PI4K2B: variants seen among roughly 807,000 people sequenced by gnomAD.
The protein encoded by PI4K2B is phosphatidylinositol 4-kinase type 2 beta, also known as phosphatidylinositol 4-kinase type 2-beta.
Under a neutral mutation model 56.6 loss-of-function variants are expected in PI4K2B, and 46 were observed. The ratio of observed to expected loss-of-function variants is 0.81; its 90% CI spans 0.64 to 1.04. PI4K2B has a LOEUF of 1.04. PI4K2B is among the 50% of genes least tolerant of loss of function. PI4K2B has a pLI of 0.00. For synonymous variants in PI4K2B, 211 were observed against 223.8 expected (o/e 0.94, Z 0.51); for missense variants, 556 against 607.7 (o/e 0.91, Z 0.89).
intron 9 of PI4K2B, among the ~76,000 whole-genome samples, chr4:25,269,839 G>A (rs369172339): frequency 1.3e-5 from 2 of 149,802 alleles, no homozygotes; most frequent in African/African-American, 2.5e-5. Context: ...TCAGCCTCCC[G>A]AGTAGCTGGG....
intron 5 of PI4K2B, among the ~76,000 whole-genome samples, chr4:25,259,740 C>T (rs974708196): frequency 6.6e-5 from 10 of 151,946 alleles, no homozygotes; most frequent in African/African-American, 2.4e-4. Flanking sequence ...CATAATGTTT[C>T]AAGAAAGTTT....
intron 1 of PI4K2B, among the ~76,000 whole-genome samples, chr4:25,249,565 C>A (rs1343994487): frequency 1.4e-5 from 2 of 145,756 alleles, no homozygotes; most frequent in Non-Finnish European, 3.0e-5. Context: ...GGCGGAGGGG[C>A]TCCTCACTTC....
At chr4:25,260,635 TATATATACAC>T (rs751009866) in intron 6 of PI4K2B, 44 bp downstream of exon 6, 3,544 of 58,224 alleles carry the variant, frequency 0.061, 39 homozygotes, top group African/African-American at 0.082. Flanking sequence ...TATATATATA[TATATATACAC>T]ACACACACAC....
chr4:25,243,815 A>G (rs313555), intron 1 of PI4K2B, among the ~76,000 whole-genome samples: 89,282 of 151,858 alleles, frequency 0.59, 28,479 homozygotes, highest in Non-Finnish European at 0.72. Flanking sequence ...TCTTTCTAGA[A>G]CACAGGTCGA....
At position 25,269,915 on chromosome 4, in the gene PI4K2B, A is replaced by G. The variant is rs558697427; in HGVS notation, c.1272+712A>G. 2.0e-5 allele frequency among the ~76,000 whole-genome samples: 3 copies of G among 151,784 alleles called. No individual in the cohort carries two copies. The East Asian group carries it at 6.0e-4, about 30-fold the overall frequency. ...ATATTTTTAGTAGAGACGGGGTTTC[A>G]CCATGTTAGCCAGGATGGTCTCGAT... On this transcript the variant is annotated intron_variant, in intron 9 of 9. Coordinates refer to ENST00000264864, the MANE Select transcript of PI4K2B (RefSeq NM_018323.4).
chr4:25,251,573 G>A (rs548647993), intron 1 of PI4K2B, among the ~76,000 whole-genome samples: 1 of 152,250 alleles, frequency 6.6e-6, no homozygotes, highest in African/African-American at 2.4e-5. Flanking sequence ...GTAGGTTCTA[G>A]TAGGGCAGAA....
At chr4:25,247,885 T>G (rs1715861554) in intron 1 of PI4K2B, among the ~76,000 whole-genome samples, 1 of 152,126 alleles carries the variant, frequency 6.6e-6, no homozygotes. Context: ...TTATTTTTTG[T>G]GGAGATAGGG....
At chr4:25,259,297 A>C in intron 5 of PI4K2B, 107 bp downstream of exon 5, 1 of 733,006 alleles carries the variant, frequency 1.4e-6, no homozygotes, top group Non-Finnish European at 2.3e-6. Context: ...TCTTGAAGCC[A>C]CTTTCTCTGT....
rs1197292099 is a variant in PI4K2B, at chr4:25,277,957, T to C, written c.*770T>C. On this transcript the variant is annotated 3_prime_UTR_variant, in exon 10 of 10. Transcript: ENST00000264864. ...CTTCTGTTTCTTACATGGGATCAAA[T>C]ACTTGAGATTAGTACTTCAGAGTAC... 6.6e-6 allele frequency: 1 copy of C among 152,184 alleles called. No homozygotes were observed. Among genetic ancestry groups the C allele is most frequent in the Non-Finnish European group, 1.5e-5 (1 of 68,012 alleles). 9.4% of individuals were successfully genotyped at this position (152,184 alleles called of 1,614,324 possible). A position where few individuals can be genotyped will look rare whatever the true frequency, so the allele number is the denominator to read the frequency against.
At chr4:25,263,057 A>G (rs1716536661) in intron 6 of PI4K2B, among the ~76,000 whole-genome samples, 1 of 152,192 alleles carries the variant, frequency 6.6e-6, no homozygotes, top group Non-Finnish European at 1.5e-5. Flanking sequence ...GAGAAATGCC[A>G]GACGCTTGCA....
intron 1 of PI4K2B, among the ~76,000 whole-genome samples, chr4:25,240,010 G>T (rs549028311): frequency 3.3e-5 from 5 of 152,336 alleles, no homozygotes; most frequent in African/African-American, 1.2e-4. Flanking sequence ...CCATTTGTAA[G>T]ACCATTTGTA....
chr4:25,251,826 G>GTTGTTGTTATTA (rs1553889412), intron 1 of PI4K2B, among the ~76,000 whole-genome samples: 1 of 150,508 alleles, frequency 6.6e-6, no homozygotes, highest in African/African-American at 2.5e-5. Context: ...TGTTGTTGTT[G>GTTGTTGTTATTA]TTATTATTAT....
chr4:25,259,175 A>C lies in PI4K2B; in HGVS notation c.895A>C (p.Ile299Leu). The change falls in exon 5 of 10, where the codon ATC (isoleucine) becomes CTC (leucine). Residue 299 changes from isoleucine (I) to leucine (L), a missense_variant. Ile to Leu is a conservative substitution (Grantham distance 5, BLOSUM62 2). Coordinates refer to ENST00000264864, the MANE Select transcript of PI4K2B (RefSeq NM_018323.4). The stretch of plus-strand genomic sequence containing the variant: ...TGAAAGATTAGTTATTTTGGATTAC[A>C]TCATCAGAAATACAGGTATTGAAGT... ...QFERLVILDY[I>L]IRNTDRGNDN... The C allele has an allele frequency of 6.4e-7, 1 of 1,560,736 alleles. No individual in the cohort carries two copies. Among genetic ancestry groups the C allele is most frequent in the African/African-American group, 1.4e-5 (1 of 73,702 alleles).
intron 9 of PI4K2B, among the ~76,000 whole-genome samples, chr4:25,271,860 T>C (rs912125536): frequency 6.6e-6 from 1 of 152,212 alleles, no homozygotes; most frequent in African/African-American, 2.4e-5. Flanking sequence ...AAAAAATACC[T>C]GTCTGAGTGC....
chr4:25,269,372 C>G (rs1716783971), intron 9 of PI4K2B, among the ~76,000 whole-genome samples, 169 bp downstream of exon 9: 1 of 152,208 alleles, frequency 6.6e-6, no homozygotes, highest in Non-Finnish European at 1.5e-5. Context: ...TGCAGTGGCT[C>G]ACGCCTGTAA....
At chr4:25,261,307 C>G (rs1051922119) in intron 6 of PI4K2B, among the ~76,000 whole-genome samples, 1 of 152,056 alleles carries the variant, frequency 6.6e-6, no homozygotes, top group African/African-American at 2.4e-5. Context: ...GTATTAAATA[C>G]TTTTGCTATT....
At chr4:25,253,057 T>C (rs1394790522) in intron 2 of PI4K2B, among the ~76,000 whole-genome samples, 1 of 152,226 alleles carries the variant, frequency 6.6e-6, no homozygotes, top group Non-Finnish European at 1.5e-5. Context: ...TTTGAGTATA[T>C]ATATTCACAA....
chr4:25,248,292 G>C (rs78974730), intron 1 of PI4K2B, among the ~76,000 whole-genome samples: 1,799 of 152,258 alleles, frequency 0.012, 51 homozygotes, highest in African/African-American at 0.041. Flanking sequence ...GTGTGGTAAA[G>C]GCAAGGTCAT....
intron 4 of PI4K2B, chr4:25,258,621 A>C (rs894688153): frequency 1.0e-4 from 21 of 207,010 alleles, no homozygotes; most frequent in South Asian, 1.7e-4. Flanking sequence ...TCATAAAAAG[A>C]ATCTGGAAAA....
Sources: gnomAD v4.1 joint callset for allele counts (sites outside exome capture counted in the v4.1 genomes callset) on GRCh38, gnomAD v4.1.1 for gene constraint, MANE v1.5 for transcripts, NCBI Gene and HGNC (gene_info 2026-07-23, HGNC 2026-07-21) for gene names.